MAGI1: variants seen among roughly 807,000 people sequenced by gnomAD.
MAGI1 encodes membrane-associated guanylate kinase, WW and PDZ domain-containing protein 1.
In MAGI1, 58 loss-of-function variants were observed where a neutral mutation model predicts 139.9. The ratio of observed to expected loss-of-function variants is 0.41; its 90% CI spans 0.34 to 0.52. The LOEUF (loss-of-function observed/expected upper bound fraction) is 0.52, where lower values mean the gene tolerates loss of function less well. Among genes scored for constraint, MAGI1 ranks in the 20% least tolerant of loss-of-function variants. The pLI is 0.12. For missense variants in MAGI1, 1,874 were observed against 1,901.6 expected (o/e 0.99, Z 0.27); for synonymous variants, 812 against 737.9 (o/e 1.10, Z -1.63).
intron 1 of MAGI1, among the ~76,000 whole-genome samples, chr3:65,963,437 G>A (rs775122639): frequency 6.6e-6 from 1 of 151,998 alleles, no homozygotes; most frequent in Non-Finnish European, 1.5e-5. Flanking sequence ...CCAACATGGT[G>A]AAACCCCGTC....
chr3:65,890,332 T>C (rs1021462770), intron 1 of MAGI1, among the ~76,000 whole-genome samples: 1 of 152,164 alleles, frequency 6.6e-6, no homozygotes. Flanking sequence ...GCCACTGCAC[T>C]TCAGCCTGGG....
At chr3:65,713,704 T>C (rs1207514189) in intron 1 of MAGI1, among the ~76,000 whole-genome samples, 1 of 152,212 alleles carries the variant, frequency 6.6e-6, no homozygotes, top group Non-Finnish European at 1.5e-5. Flanking sequence ...TTCATTTATG[T>C]ATTCATTCAG....
chr3:65,461,735 G>A (rs140364312), intron 5 of MAGI1, among the ~76,000 whole-genome samples: 3,898 of 152,038 alleles, frequency 0.026, 160 homozygotes, highest in African/African-American at 0.089. Context: ...TGATCCACCT[G>A]CCTCAGCCTC....
intron 1 of MAGI1, among the ~76,000 whole-genome samples, chr3:65,789,108 G>T (rs13063477): frequency 0.2 from 31,014 of 152,130 alleles, 3,770 homozygotes; most frequent in Non-Finnish European, 0.29. Flanking sequence ...TGGGGCCTAG[G>T]AGGTGGAGGC....
intron 1 of MAGI1, among the ~76,000 whole-genome samples, chr3:65,820,892 C>T (rs889814675): frequency 6.6e-6 from 1 of 152,144 alleles, no homozygotes; most frequent in Non-Finnish European, 1.5e-5. Flanking sequence ...TCTCCTGACA[C>T]ACCAACAAAA....
At chr3:65,782,328 T>C (rs774004502) in intron 1 of MAGI1, among the ~76,000 whole-genome samples, 2 of 152,032 alleles carry the variant, frequency 1.3e-5, no homozygotes, top group Non-Finnish European at 2.9e-5. Context: ...GCTTTGAAGA[T>C]GGAGGAAAGG....
At chr3:65,728,289 C>T (rs79731474) in intron 1 of MAGI1, among the ~76,000 whole-genome samples, 1 of 152,038 alleles carries the variant, frequency 6.6e-6, no homozygotes, top group Admixed American at 6.5e-5. Flanking sequence ...ATGATTGGAG[C>T]TGGAGCACCC....
chr3:65,866,574 C>A (rs1420210617), intron 1 of MAGI1, among the ~76,000 whole-genome samples: 1 of 152,046 alleles, frequency 6.6e-6, no homozygotes, highest in Non-Finnish European at 1.5e-5. Context: ...GACAGACTAA[C>A]CTGTATAACC....
intron 1 of MAGI1, among the ~76,000 whole-genome samples, chr3:65,676,623 TACTC>T (rs1419441457): frequency 6.6e-6 from 1 of 152,214 alleles, no homozygotes; most frequent in Non-Finnish European, 1.5e-5. Context: ...TTTTTATTCA[TACTC>T]AGGAAGGAGG....
intron 1 of MAGI1, among the ~76,000 whole-genome samples, chr3:65,637,334 C>A (rs2084684020): frequency 6.6e-6 from 1 of 152,014 alleles, no homozygotes; most frequent in South Asian, 2.1e-4. Context: ...AGACAGATCA[C>A]TTGACCCCAG....
intron 1 of MAGI1, among the ~76,000 whole-genome samples, chr3:65,666,006 A>T (rs1354949694): frequency 6.6e-6 from 1 of 152,130 alleles, no homozygotes; most frequent in Admixed American, 6.6e-5. Context: ...TTTTTAAACC[A>T]TTAAGGAAAA....
intron 2 of MAGI1, among the ~76,000 whole-genome samples, chr3:65,607,450 C>T (rs1267288839): frequency 1.3e-5 from 2 of 152,064 alleles, no homozygotes; most frequent in East Asian, 3.9e-4. Context: ...CATTACACAT[C>T]ACAGCAGCCC....
intron 1 of MAGI1, among the ~76,000 whole-genome samples, chr3:65,932,394 A>C (rs762735076): frequency 5.3e-5 from 8 of 152,224 alleles, no homozygotes; most frequent in Non-Finnish European, 1.2e-4. Context: ...AGATTAGGTA[A>C]TATGTTTTCT....
intron 1 of MAGI1, among the ~76,000 whole-genome samples, chr3:65,910,855 C>CTTATTTTTTTTTTTT (rs2061633549): frequency 1.7e-5 from 1 of 59,484 alleles, no homozygotes; most frequent in African/African-American, 7.9e-5. Context: ...ACATGGTGGA[C>CTTATTTTTTTTTTTT]TTTTTTTTTT....
chr3:66,009,782 G>A (rs748978621), intron 1 of MAGI1, among the ~76,000 whole-genome samples: 10 of 151,752 alleles, frequency 6.6e-5, no homozygotes, highest in Non-Finnish European at 1.3e-4. Flanking sequence ...AAGAATCATT[G>A]TTGGCTGGGT....
intron 4 of MAGI1, among the ~76,000 whole-genome samples, chr3:65,477,711 A>AT (rs60679864): frequency 0.016 from 2,282 of 141,582 alleles, 17 homozygotes; most frequent in Middle Eastern, 0.034. Context: ...TATTATTATT[A>AT]TTTTTTTTTT....
At chr3:65,549,471 G>C (rs889475293) in intron 2 of MAGI1, 3 of 985,012 alleles carry the variant, frequency 3.0e-6, no homozygotes, top group Non-Finnish European at 3.6e-6. Context: ...GCGCGCGCTC[G>C]GTGGCCGCCC....
chr3:65,719,032 A>G (rs1446891120), intron 1 of MAGI1, among the ~76,000 whole-genome samples: 2 of 151,672 alleles, frequency 1.3e-5, no homozygotes, highest in African/African-American at 4.8e-5. Context: ...AAAAAAAAAA[A>G]AAAAGACACA....
Position 65,935,240 on chromosome 3 carries a change from C to G in MAGI1, c.313+102756G>C, listed in dbSNP as rs190725329. 7.9e-5 allele frequency among the ~76,000 whole-genome samples: 12 copies of G among 152,152 alleles called. 1 individual carries two copies. Among genetic ancestry groups the G allele is most frequent in the Admixed American group, 7.2e-4 (11 of 15,284 alleles). ...TGTTTTCAGGCCAAAAGCTGGAGAA[C>G]AAGGTGAGTTTAAAGAACTGAAAGA... On this transcript the variant is annotated intron_variant, in intron 1 of 22. Coordinates refer to ENST00000402939, the MANE Select transcript of MAGI1 (RefSeq NM_001033057.2).
Sources: gnomAD v4.1 joint callset for allele counts (sites outside exome capture counted in the v4.1 genomes callset) on GRCh38, gnomAD v4.1.1 for gene constraint, MANE v1.5 for transcripts, NCBI Gene and HGNC (gene_info 2026-07-23, HGNC 2026-07-21) for gene names.